Variants in SHANK2 observed in about 807,000 individuals in gnomAD.
The protein encoded by SHANK2 is SH3 and multiple ankyrin repeat domains 2.
In SHANK2, 43 loss-of-function variants were observed where a neutral mutation model predicts 133.7. That is an observed-to-expected ratio of 0.32 (90% CI 0.25 to 0.41). SHANK2 has a LOEUF of 0.41. Ranked by LOEUF, SHANK2 falls within the 10% of genes least tolerant of loss-of-function variation. SHANK2 has a pLI of 1.00. For synonymous variants in SHANK2, 1,017 were observed against 952.8 expected (o/e 1.07, Z -1.24); for missense variants, 1,994 against 2,235.8 (o/e 0.89, Z 2.18).
At chr11:70,576,666 A>C (rs2060120323) in intron 17 of SHANK2, among the ~76,000 whole-genome samples, 1 of 151,944 alleles carries the variant, frequency 6.6e-6, no homozygotes. Context: ...AAAAAACCCC[A>C]CACTCCCAGG....
chr11:71,210,207 C>T (rs1275608175), intron 2 of SHANK2, among the ~76,000 whole-genome samples: 1 of 57,912 alleles, frequency 1.7e-5, no homozygotes, highest in Non-Finnish European at 3.2e-5. Flanking sequence ...TGGAAATCCA[C>T]AGGTATATAT....
chr11:70,727,471 T>A (rs1266999054), intron 14 of SHANK2, among the ~76,000 whole-genome samples: 1 of 152,176 alleles, frequency 6.6e-6, no homozygotes, highest in Non-Finnish European at 1.5e-5. Context: ...TGGTAGGTAA[T>A]TTGTTCCCTG....
intron 14 of SHANK2, among the ~76,000 whole-genome samples, chr11:70,700,610 T>A (rs944389739): frequency 2.0e-5 from 3 of 152,184 alleles, no homozygotes; most frequent in Non-Finnish European, 4.4e-5. Context: ...TATGCCCAGG[T>A]GCAGGAGGAC....
At chr11:71,097,421 T>C (rs974065197) in intron 6 of SHANK2, among the ~76,000 whole-genome samples, 2 of 152,240 alleles carry the variant, frequency 1.3e-5, no homozygotes, top group Admixed American at 6.5e-5. Context: ...TCTGGCACCA[T>C]GATTCTTAAG....
At chr11:70,516,114 A>C (rs1319336975) in intron 17 of SHANK2, among the ~76,000 whole-genome samples, 2 of 152,198 alleles carry the variant, frequency 1.3e-5, no homozygotes, top group Non-Finnish European at 2.9e-5. Flanking sequence ...TATTTTGTGA[A>C]TACTGACAAA....
chr11:70,839,803 T>G (rs1486729358), intron 11 of SHANK2, among the ~76,000 whole-genome samples: 1 of 152,204 alleles, frequency 6.6e-6, no homozygotes, highest in Non-Finnish European at 1.5e-5. Flanking sequence ...CTTCACCTAG[T>G]TAGCGAATCC....
At chr11:71,180,564 C>T (rs192235279) in intron 2 of SHANK2, among the ~76,000 whole-genome samples, 13 of 152,184 alleles carry the variant, frequency 8.5e-5, no homozygotes, top group Admixed American at 8.5e-4. Flanking sequence ...GAAAAAAAAC[C>T]CCACACACAA....
intron 17 of SHANK2, among the ~76,000 whole-genome samples, chr11:70,599,905 G>GAAAAAGAAAGAAAGAGAAAGAAAGAA (rs1466206835): frequency 5.8e-4 from 43 of 73,754 alleles, no homozygotes; most frequent in East Asian, 2.7e-3. Context: ...AAGAAAGAAA[G>GAAAAAGAAAGAAAGAGAAAGAAAGAA]AGAAAGAAAG....
At chr11:71,067,179 A>G (rs1227604388) in intron 9 of SHANK2, among the ~76,000 whole-genome samples, 1 of 152,188 alleles carries the variant, frequency 6.6e-6, no homozygotes, top group Non-Finnish European at 1.5e-5. Flanking sequence ...CCATCACCCC[A>G]TGATGGCCCC....
intron 14 of SHANK2, among the ~76,000 whole-genome samples, chr11:70,788,543 C>T (rs1947719339): frequency 6.6e-6 from 1 of 152,148 alleles, no homozygotes; most frequent in Non-Finnish European, 1.5e-5. Flanking sequence ...GCTCTGATAT[C>T]AGACCAAAAA....
At chr11:70,884,077 TGCAGAGA>T (rs1264099581) in intron 11 of SHANK2, among the ~76,000 whole-genome samples, 1 of 152,160 alleles carries the variant, frequency 6.6e-6, no homozygotes, top group African/African-American at 2.4e-5. Context: ...GGAGAATGGA[TGCAGAGA>T]GCAAGAGGAG....
chr11:70,635,022 T>C (rs2061053035), intron 17 of SHANK2: 2 of 152,208 alleles, frequency 1.3e-5, no homozygotes, highest in Admixed American at 1.3e-4. Flanking sequence ...TCACACCTGT[T>C]AGGATGGCCA....
chr11:71,118,106 G>A (rs1183804344), intron 4 of SHANK2, among the ~76,000 whole-genome samples: 33 of 152,078 alleles, frequency 2.2e-4, no homozygotes, highest in Admixed American at 5.9e-4. Context: ...ACCCCTCAGA[G>A]AAGCATGGGG....
intron 11 of SHANK2, among the ~76,000 whole-genome samples, chr11:70,893,057 A>G (rs1294621765): frequency 6.6e-6 from 1 of 151,974 alleles, no homozygotes; most frequent in African/African-American, 2.4e-5. Flanking sequence ...GGGGAGCCCC[A>G]CCCCAAATGC....
At chr11:71,207,118 A>AAG (rs1369850540) in intron 2 of SHANK2, among the ~76,000 whole-genome samples, 2 of 141,270 alleles carry the variant, frequency 1.4e-5, no homozygotes, top group Non-Finnish European at 3.0e-5. Context: ...AGAAAAAAAA[A>AAG]TCATGGAAGG....
intron 8 of SHANK2, among the ~76,000 whole-genome samples, chr11:71,085,585 TA>T (rs1951371788): frequency 3.2e-5 from 1 of 31,564 alleles, no homozygotes; most frequent in Non-Finnish European, 6.1e-5. Flanking sequence ...TTATATAATA[TA>T]TTATATAATA....
chr11:70,610,006 C>A (rs1248888313), intron 17 of SHANK2, among the ~76,000 whole-genome samples: 3 of 151,492 alleles, frequency 2.0e-5, no homozygotes, highest in Non-Finnish European at 4.4e-5. Context: ...ATCAGTGCAT[C>A]CATAGAGACA....
At chr11:70,884,218 C>T (rs538289502) in intron 11 of SHANK2, among the ~76,000 whole-genome samples, 17 of 152,290 alleles carry the variant, frequency 1.1e-4, no homozygotes, top group African/African-American at 3.1e-4. Flanking sequence ...GTGATAATAA[C>T]GGGGTCAGGG....
At chr11:70,599,813 G>C (rs898389532) in intron 17 of SHANK2, among the ~76,000 whole-genome samples, 2 of 136,578 alleles carry the variant, frequency 1.5e-5, no homozygotes, top group Non-Finnish European at 3.2e-5. Flanking sequence ...AGAAAGAAGA[G>C]GGAGAAGGAA....
Sources: gnomAD v4.1 joint callset for allele counts (sites outside exome capture counted in the v4.1 genomes callset) on GRCh38, gnomAD v4.1.1 for gene constraint, MANE v1.5 for transcripts, NCBI Gene and HGNC (gene_info 2026-07-23, HGNC 2026-07-21) for gene names.